DMD: variants seen among roughly 807,000 people sequenced by gnomAD.
DMD encodes mutant dystrophin.
DMD carries 63 observed loss-of-function variants against 330.1 expected under a neutral mutation model. The observed-to-expected ratio is 0.19, with a 90% CI of 0.16 to 0.24. The LOEUF (loss-of-function observed/expected upper bound fraction) is 0.24. Among genes scored for constraint, DMD ranks in the 10% least tolerant of loss-of-function variants. The pLI is 1.00. For missense variants in DMD, 3,344 were observed against 2,684.1 expected, an observed-to-expected ratio of 1.25 and a Z score of -5.43; for synonymous variants, 1,223 against 959.8, an observed-to-expected ratio of 1.27 and a Z score of -5.07.
intron 60 of DMD, among the ~76,000 whole-genome samples, chrX:31,366,302 G>A (rs760139217): frequency 2.8e-5 from 3 of 107,935 alleles, no homozygotes; most frequent in East Asian, 2.9e-4. Flanking sequence ...CAAACTATGC[G>A]GGCACTGGAG....
rs747449031 is a variant in DMD, at chrX:31,507,450, G to C, written c.8221C>G (p.Leu2741Val). The C allele has an allele frequency of 8.3e-7, 1 of 1,200,724 alleles. No homozygotes were observed. The highest frequency in any genetic ancestry group is 3.0e-5 in the East Asian group (1 of 33,675). Residue 2741 changes from leucine to valine, a missense_variant, in exon 56 of 79, where the codon CTC becomes GTC. By Grantham distance (32) the Leu-to-Val change is conservative. Transcript: ENST00000357033. ...GTGTGAGCTTCAATTTCACCTTGGA[G>C]GTCCTACAGGACAGCAGGAAGAAGA... ...VKELMKQWQD[L>V]QGEIEAHTDV...
intron 60 of DMD, among the ~76,000 whole-genome samples, chrX:31,415,376 C>T (rs1375756935): frequency 1.8e-5 from 2 of 111,908 alleles, no homozygotes. Context: ...CTCTATTTAC[C>T]CCAGTCGTCT....
At chrX:32,831,418 G>C (rs1268712052) in intron 4 of DMD, among the ~76,000 whole-genome samples, 1 of 110,914 alleles carries the variant, frequency 9.0e-6, no homozygotes, top group Non-Finnish European at 1.9e-5. Flanking sequence ...TTATTGACAG[G>C]AACAAGTTAG....
At chrX:31,537,846 C>T (rs1054207589) in intron 55 of DMD, among the ~76,000 whole-genome samples, 15 of 112,061 alleles carry the variant, frequency 1.3e-4, no homozygotes, top group African/African-American at 4.9e-4. Context: ...CATAGTAATA[C>T]CCTTACCATC....
At chrX:31,451,358 C>G (rs1338699372) in intron 59 of DMD, among the ~76,000 whole-genome samples, 1 of 100,787 alleles carries the variant, frequency 9.9e-6, no homozygotes, top group Non-Finnish European at 2.0e-5. Context: ...TCTCGGCTCA[C>G]TGCAACTTCT....
At chrX:33,308,109 G>C (rs1444211391) in intron 1 of DMD, among the ~76,000 whole-genome samples, 2 of 112,328 alleles carry the variant, frequency 1.8e-5, no homozygotes, top group Non-Finnish European at 3.8e-5. Context: ...CATTTATTGT[G>C]AATGTGCCAT....
At chrX:31,968,278 C>T (rs1394341987) in intron 45 of DMD, 61 bp downstream of exon 45, 1 of 1,158,468 alleles carries the variant, frequency 8.6e-7, no homozygotes, top group African/African-American at 1.8e-5. Context: ...AAATATTCTT[C>T]TAAAGAAAGC....
At chrX:33,197,400 C>T (rs1480624605) in intron 1 of DMD, among the ~76,000 whole-genome samples, 2 of 111,449 alleles carry the variant, frequency 1.8e-5, no homozygotes, top group Admixed American at 9.6e-5. Flanking sequence ...AGAGCTTATT[C>T]GGGCTTTACC....
intron 21 of DMD, among the ~76,000 whole-genome samples, chrX:32,482,928 A>T (rs976124011): frequency 9.2e-6 from 1 of 108,462 alleles, no homozygotes; most frequent in African/African-American, 3.3e-5. Context: ...AAAAAAGTAA[A>T]GAGGAAATAA....
intron 60 of DMD, among the ~76,000 whole-genome samples, chrX:31,360,424 G>A (rs933961071): frequency 2.7e-5 from 3 of 111,721 alleles, no homozygotes; most frequent in Non-Finnish European, 3.8e-5. Flanking sequence ...AAAATATTAC[G>A]TTGGTGCAAA....
intron 43 of DMD, among the ~76,000 whole-genome samples, chrX:32,219,231 T>C (rs1346957776): frequency 1.8e-5 from 2 of 112,243 alleles, no homozygotes; most frequent in Non-Finnish European, 3.8e-5. Context: ...GCATGTTTAC[T>C]AATAATTTAG....
At chrX:32,817,504 A>T (rs1389262061) in intron 5 of DMD, among the ~76,000 whole-genome samples, 2 of 112,157 alleles carry the variant, frequency 1.8e-5, no homozygotes, top group East Asian at 5.6e-4. Context: ...GCTTCATAGA[A>T]AAAACTGTCT....
intron 44 of DMD, among the ~76,000 whole-genome samples, chrX:32,069,787 A>C (rs1360797020): frequency 9.0e-6 from 1 of 111,515 alleles, no homozygotes; most frequent in Non-Finnish European, 1.9e-5. Flanking sequence ...ACTCCAATTT[A>C]AATTTAGGAC....
chrX:33,023,003 C>T (rs2093941423), intron 1 of DMD, among the ~76,000 whole-genome samples: 1 of 111,333 alleles, frequency 9.0e-6, no homozygotes, highest in Non-Finnish European at 1.9e-5. Flanking sequence ...AATAATGAGC[C>T]TTCTTTAATG....
chrX:31,412,108 C>T (rs956733315), intron 60 of DMD, among the ~76,000 whole-genome samples: 1 of 103,820 alleles, frequency 9.6e-6, no homozygotes, highest in Admixed American at 1.0e-4. Flanking sequence ...ATCACTTGAA[C>T]CCGGGAGGTG....
At chrX:32,022,814 G>A (rs918356139) in intron 44 of DMD, among the ~76,000 whole-genome samples, 1 of 107,358 alleles carries the variant, frequency 9.3e-6, no homozygotes, top group Non-Finnish European at 1.9e-5. Context: ...AAGAGAACTC[G>A]GTATAATCCT....
intron 17 of DMD, among the ~76,000 whole-genome samples, chrX:32,526,528 T>C (rs941768512): frequency 1.8e-5 from 2 of 111,159 alleles, no homozygotes; most frequent in Non-Finnish European, 3.8e-5. Context: ...GGGGCATATA[T>C]ACCAAATATT....
intron 2 of DMD, among the ~76,000 whole-genome samples, chrX:32,890,165 A>G (rs2085060074): frequency 9.0e-6 from 1 of 111,266 alleles, no homozygotes; most frequent in African/African-American, 3.3e-5. Flanking sequence ...ATCTTGAGAC[A>G]AGAGCTCAGG....
intron 55 of DMD, among the ~76,000 whole-genome samples, chrX:31,579,565 T>C (rs1049287857): frequency 1.8e-5 from 2 of 112,235 alleles, no homozygotes; most frequent in African/African-American, 3.2e-5. Context: ...AAACAGCTTA[T>C]AGTTTAAATT....
Sources: allele counts gnomAD v4.1 joint callset (sites outside exome capture counted in the v4.1 genomes callset), GRCh38; gene constraint gnomAD v4.1.1; transcripts MANE v1.5; gene names NCBI Gene and HGNC (gene_info 2026-07-23, HGNC 2026-07-21).